The following ACYP2 variants were observed in gnomAD, a reference collection of about 807,000 sequenced individuals.
ACYP2 encodes the protein acylphosphatase 2, also known as acylphosphatase-2.
Under a neutral mutation model 11.2 loss-of-function variants are expected in ACYP2, and 12 were observed. The observed-to-expected ratio is 1.08, with a 90% CI of 0.69 to 1.74. The LOEUF (loss-of-function observed/expected upper bound fraction) is 1.74, where lower values mean the gene tolerates loss of function less well. Ranked by LOEUF, ACYP2 falls within the 40% of genes most tolerant of loss-of-function variation. The pLI is 0.00. For missense variants in ACYP2, 134 were observed against 101.9 expected (o/e 1.31, Z -1.35); for synonymous variants, 43 against 32.2 (o/e 1.33, Z -1.13).
intron 3 of ACYP2, among the ~76,000 whole-genome samples, chr2:54,055,544 A>C (rs1221940152): frequency 6.6e-6 from 1 of 152,222 alleles, no homozygotes. Flanking sequence ...TAGAAAAAGT[A>C]TTATTTTCCT....
chr2:54,173,341 C>A (rs532600519), intron 6 of ACYP2, among the ~76,000 whole-genome samples: 1 of 152,308 alleles, frequency 6.6e-6, no homozygotes, highest in Non-Finnish European at 1.5e-5. Flanking sequence ...GCATAAATGT[C>A]TTCTTTTGAG....
chr2:54,261,332 T>C (rs1687767229), intron 6 of ACYP2, among the ~76,000 whole-genome samples: 1 of 152,092 alleles, frequency 6.6e-6, no homozygotes, highest in African/African-American at 2.4e-5. Context: ...AGGAGAGCTA[T>C]ATAAAATCTC....
chr2:54,142,426 G>C (rs1366917323), intron 6 of ACYP2: 3 of 152,100 alleles, frequency 2.0e-5, no homozygotes, highest in Non-Finnish European at 4.4e-5. Flanking sequence ...TTGAAATTAA[G>C]AGAAGTGACA....
chr2:54,122,867 A>G (rs772493584), intron 4 of ACYP2, among the ~76,000 whole-genome samples: 5 of 152,212 alleles, frequency 3.3e-5, no homozygotes, highest in African/African-American at 7.2e-5. Context: ...AATAACACCT[A>G]TCTTCATTGT....
chr2:54,278,267 C>T (rs1004656434), intron 6 of ACYP2, among the ~76,000 whole-genome samples: 15 of 152,208 alleles, frequency 9.9e-5, no homozygotes, highest in South Asian at 2.1e-4. Flanking sequence ...CGTCAGCCAC[C>T]GCACCTAGCC....
chr2:54,176,516 C>T (rs981232364), intron 6 of ACYP2, among the ~76,000 whole-genome samples: 2 of 152,154 alleles, frequency 1.3e-5, no homozygotes, highest in African/African-American at 4.8e-5. Flanking sequence ...ACCTGAATTG[C>T]TCTGTATTCT....
chr2:54,122,223 G>C (rs1369178195), intron 4 of ACYP2, among the ~76,000 whole-genome samples: 3 of 152,174 alleles, frequency 2.0e-5, no homozygotes, highest in East Asian at 3.8e-4. Context: ...TACATGAAAA[G>C]GTGTTGACAT....
intron 6 of ACYP2, among the ~76,000 whole-genome samples, chr2:54,186,776 A>C (rs1330026474): frequency 6.6e-6 from 1 of 152,124 alleles, no homozygotes; most frequent in African/African-American, 2.4e-5. Flanking sequence ...AGCCTCCCCA[A>C]GTGTTGGCAT....
At chr2:54,027,562 CTTATACTAAAT>C (rs1338688772) in intron 2 of ACYP2, among the ~76,000 whole-genome samples, 1 of 152,146 alleles carries the variant, frequency 6.6e-6, no homozygotes, top group African/African-American at 2.4e-5. Context: ...TCACATAAAA[CTTATACTAAAT>C]AATTTTGTTA....
intron 6 of ACYP2, among the ~76,000 whole-genome samples, chr2:54,244,719 A>G (rs1236916672): frequency 6.6e-6 from 1 of 152,030 alleles, no homozygotes; most frequent in Non-Finnish European, 1.5e-5. Flanking sequence ...GATTTCTTTG[A>G]AATCCTTGTT....
At chr2:54,153,483 G>A (rs1413731653) in intron 6 of ACYP2, among the ~76,000 whole-genome samples, 3 of 140,606 alleles carry the variant, frequency 2.1e-5, no homozygotes, top group African/African-American at 7.9e-5. Context: ...TTTCATGTGT[G>A]TGTGGTTCTA....
intron 6 of ACYP2, among the ~76,000 whole-genome samples, chr2:54,165,462 G>C (rs1209751054): frequency 2.0e-5 from 3 of 149,824 alleles, no homozygotes; most frequent in African/African-American, 4.9e-5. Flanking sequence ...CTGTCTGTCT[G>C]TCTCTCTCTT....
chr2:54,133,713 G>C (rs1013261580), intron 4 of ACYP2, among the ~76,000 whole-genome samples: 1 of 152,146 alleles, frequency 6.6e-6, no homozygotes. Context: ...GTTATTTAGG[G>C]TCATTGCTGC....
intron 6 of ACYP2, among the ~76,000 whole-genome samples, chr2:54,273,138 G>C (rs1688388816): frequency 6.6e-6 from 1 of 152,190 alleles, no homozygotes; most frequent in Non-Finnish European, 1.5e-5. Context: ...TGAGAAAACT[G>C]ACTGTTCAAA....
chr2:54,160,915 AAG>A (rs1221676857), intron 6 of ACYP2, among the ~76,000 whole-genome samples: 2 of 152,226 alleles, frequency 1.3e-5, no homozygotes, highest in Non-Finnish European at 2.9e-5. Flanking sequence ...GGTTTCATCA[AAG>A]AGAGTAAGAA....
chr2:54,231,312 T>G (rs1017746692), intron 6 of ACYP2, among the ~76,000 whole-genome samples: 2 of 152,218 alleles, frequency 1.3e-5, no homozygotes, highest in Non-Finnish European at 2.9e-5. Context: ...TTTACAGAGT[T>G]TGACTCTTTT....
At chr2:54,051,120 T>A (rs1172348199) in intron 3 of ACYP2, 2 of 651,744 alleles carry the variant, frequency 3.1e-6, no homozygotes, top group African/African-American at 3.6e-5. Context: ...GCCATTGCAG[T>A]ACACTGAACT....
Position 54,138,664 on chromosome 2 carries a change from T to G in ACYP2, c.320T>G (p.Ile107Arg). Residue 107 changes from isoleucine (I) to arginine (R), a missense_variant, in exon 6 of 7, where the codon ATA becomes AGA. Transcript: ENST00000607452. Reference sequence around the variant, plus strand: ...TATACAGAAGATGAAGCTAGGAAAATAGGAGTGGTTGGCTGGGTGAAGAAT... The same window carrying G: ...TATACAGAAGATGAAGCTAGGAAAAGAGGAGTGGTTGGCTGGGTGAAGAAT... 2 of 1,613,914 alleles carry G rather than the reference T, an allele frequency of 1.2e-6. No individual in the cohort carries two copies. The highest frequency in any genetic ancestry group is 1.7e-6 in the Non-Finnish European group (2 of 1,179,940).
chr2:54,173,745 C>G (rs1683320775), intron 6 of ACYP2, among the ~76,000 whole-genome samples: 1 of 152,152 alleles, frequency 6.6e-6, no homozygotes, highest in Admixed American at 6.6e-5. Context: ...CCAGTTTCAG[C>G]TTTCTACATA....
Sources: allele counts gnomAD v4.1 joint callset (sites outside exome capture counted in the v4.1 genomes callset), GRCh38; gene constraint gnomAD v4.1.1; transcripts MANE v1.5; gene names NCBI Gene and HGNC (gene_info 2026-07-23, HGNC 2026-07-21).